The following DST variants were observed in gnomAD, a reference collection of about 807,000 sequenced individuals.
DST encodes the protein dystonin, also known as bullous pemphigoid antigen.
DST carries 253 observed loss-of-function variants against 875.2 expected under a neutral mutation model. The ratio of observed to expected loss-of-function variants is 0.29; its 90% CI spans 0.26 to 0.32. DST has a LOEUF of 0.32. Among genes scored for constraint, DST ranks in the 10% least tolerant of loss-of-function variants. The pLI, the probability that DST is intolerant of heterozygous loss-of-function variation, is 1.00. For synonymous variants in DST, 3,124 were observed against 3,197.1 expected, an observed-to-expected ratio of 0.98 and a Z score of 0.77; for missense variants, 8,287 against 9,111.6, an observed-to-expected ratio of 0.91 and a Z score of 3.68.
intron 3 of DST, among the ~76,000 whole-genome samples, 178 bp downstream of exon 3, chr6:56,900,243 A>G (rs917661913): frequency 2.0e-5 from 3 of 152,174 alleles, no homozygotes; most frequent in Non-Finnish European, 4.4e-5. Context: ...TATCCATCCT[A>G]GAACATTCTA....
At chr6:56,641,004 T>A (rs1283060769) in intron 17 of DST, among the ~76,000 whole-genome samples, 1 of 152,180 alleles carries the variant, frequency 6.6e-6, no homozygotes, top group Non-Finnish European at 1.5e-5. Context: ...AATATGATCA[T>A]TTTTACATTT....
At chr6:56,750,840 A>G (rs1426685762) in intron 4 of DST, among the ~76,000 whole-genome samples, 2 of 152,230 alleles carry the variant, frequency 1.3e-5, no homozygotes, top group Admixed American at 6.5e-5. Context: ...GAATTTGGCA[A>G]TACTGAGCAA....
Position 56,651,197 on chromosome 6 carries a change from G to C in DST, c.1262C>G (p.Ala421Gly). Residue 421 changes from alanine (A) to glycine (G), a missense_variant, in exon 11 of 104, where the codon GCA becomes GGA. By Grantham distance (60) the Ala-to-Gly change is moderately conservative. Transcript: ENST00000680361. ...TACGTAAAAAGCATGCTCTAAATTT[G>C]CAAGGTTGCTTTGAACAGCAACAGT... is the stretch of plus-strand genomic sequence containing the variant. Reference protein sequence around the residue: ...MNTVAVQSNLANLEHAFYVAE... With the variant: ...MNTVAVQSNLGNLEHAFYVAE... 1 of 1,611,834 alleles carries C rather than the reference G, an allele frequency of 6.2e-7. No individual in the cohort carries two copies. Among genetic ancestry groups the C allele is most frequent in the Non-Finnish European group, 8.5e-7 (1 of 1,178,956 alleles).
At chr6:56,802,340 G>GA (rs1259255104) in intron 4 of DST, among the ~76,000 whole-genome samples, 1 of 152,004 alleles carries the variant, frequency 6.6e-6, no homozygotes, top group Non-Finnish European at 1.5e-5. Flanking sequence ...AACTCTTAGG[G>GA]AAAAAATGTA....
At chr6:56,677,857 C>T (rs909319740) in intron 9 of DST, among the ~76,000 whole-genome samples, 1 of 152,192 alleles carries the variant, frequency 6.6e-6, no homozygotes, top group African/African-American at 2.4e-5. Flanking sequence ...CATTCCCAAA[C>T]TTCCAAAAAT....
In DST at chr6:56,517,114, G is replaced by A. The variant is rs4715626; in HGVS notation, c.18357+84C>T. 0.69 allele frequency: 665,100 copies of A among 960,358 alleles called. 232,386 individuals carry two copies. The highest frequency in any genetic ancestry group is 0.71 in the Non-Finnish European group (424,717 of 600,878). 59.5% of individuals were successfully genotyped at this position (960,358 alleles called of 1,614,324 possible). A position where few individuals can be genotyped will look rare whatever the true frequency, so the allele number is the denominator to read the frequency against. The stretch of plus-strand genomic sequence containing the variant: ...TGCTTAAATGGCAGCTGTGGATAAC[G>A]GAGAAGTGTTTTTCTAGGACTGAAA... On this transcript the variant is annotated intron_variant, in intron 71 of 103. Coordinates refer to ENST00000680361, the MANE Select transcript of DST (RefSeq NM_001374736.1).
At chr6:56,540,426 C>T (rs2097106514) in intron 61 of DST, 1 of 152,534 alleles carries the variant, frequency 6.6e-6, no homozygotes, top group Non-Finnish European at 1.5e-5. Flanking sequence ...GAAAGAGGAG[C>T]CTCCACTTCC....
intron 10 of DST, among the ~76,000 whole-genome samples, chr6:56,663,560 G>A (rs577500716): frequency 1.6e-4 from 25 of 152,238 alleles, no homozygotes; most frequent in Non-Finnish European, 2.8e-4. Flanking sequence ...GCCTCCTCCC[G>A]GTATTAAACC....
In DST at chr6:56,472,338, A is replaced by C. The variant is rs566600528; in HGVS notation, c.21995-116T>G. ...ATCAACTTAATTACGTGTTTACGCA[A>C]GTAAAAGTATCCTAATTTAGATGAT... On this transcript the variant is annotated intron_variant, in intron 93 of 103. Coordinates refer to ENST00000680361, the MANE Select transcript of DST (RefSeq NM_001374736.1). The C allele has an allele frequency of 2.0e-5, 17 of 868,678 alleles. No homozygotes were observed. The African/African-American group carries it at 2.4e-4, about 12-fold the overall frequency. 53.8% of individuals were successfully genotyped at this position (868,678 alleles called of 1,614,324 possible).
chr6:56,943,449 T>G (rs920081504), intron 2 of DST, among the ~76,000 whole-genome samples: 5 of 149,206 alleles, frequency 3.4e-5, no homozygotes, highest in Non-Finnish European at 4.5e-5. Context: ...TTTTTTGAGA[T>G]AGATTTTCAC....
At chr6:56,615,151 G>C in intron 36 of DST, 3 of 1,083,100 alleles carry the variant, frequency 2.8e-6, no homozygotes, top group Non-Finnish European at 3.4e-6. Flanking sequence ...CTTTCAGCGA[G>C]TGCAATTTAT....
At chr6:56,477,315 T>C (rs759158966) in intron 91 of DST, 30 bp downstream of exon 91, 2 of 1,603,744 alleles carry the variant, frequency 1.2e-6, no homozygotes, top group Non-Finnish European at 1.7e-6. Context: ...AAGCTATTGC[T>C]ACTCTGAAGA....
At chr6:56,503,600 C>CACACACAT (rs1459924791) in intron 78 of DST, among the ~76,000 whole-genome samples, 120 of 148,600 alleles carry the variant, frequency 8.1e-4, no homozygotes, top group Non-Finnish European at 1.5e-3. Context: ...TACATACACA[C>CACACACAT]ACACACACAC....
rs184808434 is a variant in DST, at chr6:56,574,136, G to A, written c.13028-249C>T. On this transcript the variant is annotated intron_variant, in intron 50 of 103. Coordinates refer to ENST00000680361, the MANE Select transcript of DST (RefSeq NM_001374736.1). ...GTTAATATATATCCCATCTGCATTT[G>A]AAAAGAGATTTTTTTGGATGCATAA... Among the ~76,000 whole-genome samples the A allele has an allele frequency of 3.3e-3, 484 of 147,876 alleles. 4 individuals are homozygous for A. Among genetic ancestry groups the A allele is most frequent in the Middle Eastern group, 0.017 (5 of 288 alleles).
intron 9 of DST, among the ~76,000 whole-genome samples, chr6:56,676,120 G>GCA (rs532259695): frequency 6.2e-4 from 94 of 152,252 alleles, no homozygotes; most frequent in African/African-American, 2.0e-3. Flanking sequence ...AGGCTGGAGT[G>GCA]CAGTGGGGCA....
chr6:56,585,412 T>C (rs1192874388), intron 49 of DST, among the ~76,000 whole-genome samples: 3 of 152,314 alleles, frequency 2.0e-5, no homozygotes, highest in Admixed American at 6.5e-5. Flanking sequence ...CTGATGGTAG[T>C]TTGTATTTCT....
chr6:56,485,808 G>T (rs1183111605), intron 87 of DST, among the ~76,000 whole-genome samples: 1 of 151,668 alleles, frequency 6.6e-6, no homozygotes, highest in Non-Finnish European at 1.5e-5. Context: ...ACATTTTTTG[G>T]TATACACTTC....
At chr6:56,618,004 C>T (rs755609699) in intron 36 of DST, 2 of 1,613,896 alleles carry the variant, frequency 1.2e-6, no homozygotes, top group East Asian at 2.2e-5. Flanking sequence ...GTGTCAAAAC[C>T]TTCACCAGTT....
Position 56,506,807 on chromosome 6 carries a change from C to A in DST, c.19240-18G>T. On this transcript the variant is annotated intron_variant, in intron 75 of 103. Coordinates refer to ENST00000680361, the MANE Select transcript of DST (RefSeq NM_001374736.1). ...CTTATGGTCTAGAATAAGAAAATGACAGCCTTAGAATTTTAAGCAAAACCA... is the reference window on the plus strand; with the variant it reads ...CTTATGGTCTAGAATAAGAAAATGAAAGCCTTAGAATTTTAAGCAAAACCA... 1 of 1,600,026 alleles carries A rather than the reference C, an allele frequency of 6.2e-7. No individual in the cohort carries two copies. The highest frequency in any genetic ancestry group is 8.5e-7 in the Non-Finnish European group (1 of 1,174,288).
Sources: gnomAD v4.1 joint callset for allele counts (sites outside exome capture counted in the v4.1 genomes callset) on GRCh38, gnomAD v4.1.1 for gene constraint, MANE v1.5 for transcripts, NCBI Gene and HGNC (gene_info 2026-07-23, HGNC 2026-07-21) for gene names.